The following FOXP1 variants were observed in gnomAD, a reference collection of about 807,000 sequenced individuals.
FOXP1 encodes forkhead box P1.
Under a neutral mutation model 98.2 loss-of-function variants are expected in FOXP1, and 15 were observed. That is an observed-to-expected ratio of 0.15 (90% CI 0.10 to 0.24). The LOEUF (loss-of-function observed/expected upper bound fraction) is 0.24. Among genes scored for constraint, FOXP1 ranks in the 10% least tolerant of loss-of-function variants. The pLI is 1.00. For missense variants in FOXP1, 633 were observed against 848.5 expected (o/e 0.75, Z 3.15); for synonymous variants, 371 against 314.5 (o/e 1.18, Z -1.90).
At chr3:71,123,171 ACT>A (rs1037075773) in intron 6 of FOXP1, among the ~76,000 whole-genome samples, 2 of 151,838 alleles carry the variant, frequency 1.3e-5, no homozygotes, top group Non-Finnish European at 2.9e-5. Flanking sequence ...TTGCCTAAAA[ACT>A]CTGTCCACAA....
chr3:71,120,731 C>T (rs989284404), intron 6 of FOXP1, among the ~76,000 whole-genome samples: 6 of 152,176 alleles, frequency 3.9e-5, no homozygotes, highest in African/African-American at 1.2e-4. Flanking sequence ...CAGGCCAAAG[C>T]ACTCCCTCCA....
At chr3:71,575,719 C>A (rs990168596) in intron 2 of FOXP1, among the ~76,000 whole-genome samples, 9 of 152,354 alleles carry the variant, frequency 5.9e-5, no homozygotes, top group Non-Finnish European at 1.2e-4. Flanking sequence ...CCAAGAATAT[C>A]TTTTAAAAAT....
chr3:71,163,733 A>T (rs1188339520), intron 6 of FOXP1, among the ~76,000 whole-genome samples: 1 of 152,184 alleles, frequency 6.6e-6, no homozygotes, highest in East Asian at 1.9e-4. Flanking sequence ...TTCCAAGTTA[A>T]ATATTACATG....
chr3:71,511,942 G>C (rs1223691411), intron 2 of FOXP1, among the ~76,000 whole-genome samples: 1 of 152,188 alleles, frequency 6.6e-6, no homozygotes, highest in Non-Finnish European at 1.5e-5. Context: ...TAAGGCTCAG[G>C]TAGGAGTTGA....
At chr3:71,298,265 G>C (rs1262760157) in intron 5 of FOXP1, among the ~76,000 whole-genome samples, 1 of 152,054 alleles carries the variant, frequency 6.6e-6, no homozygotes, top group South Asian at 2.1e-4. Context: ...AGGAGTTTGA[G>C]ACCAGCCTGA....
At chr3:71,375,637 C>T (rs918667656) in intron 3 of FOXP1, among the ~76,000 whole-genome samples, 1 of 152,104 alleles carries the variant, frequency 6.6e-6, no homozygotes, top group Non-Finnish European at 1.5e-5. Flanking sequence ...AGGAGACATT[C>T]TAGACTGAAA....
intron 4 of FOXP1, among the ~76,000 whole-genome samples, chr3:71,329,587 A>G (rs76036754): frequency 0.29 from 13,468 of 46,286 alleles, 649 homozygotes; most frequent in East Asian, 0.51. Flanking sequence ...AAAATGTTGA[A>G]AAAAAAAAAA....
At position 71,459,932 on chromosome 3, in the gene FOXP1, T is replaced by C. The variant is rs56146007; in HGVS notation, c.-168+33494A>G. Among the ~76,000 whole-genome samples the C allele has an allele frequency of 3.5e-5, 5 of 144,724 alleles. No individual in the cohort carries two copies. In the East Asian group the frequency reaches 9.9e-4, roughly 29 times the overall value. 94.9% of individuals were successfully genotyped at this position (144,724 alleles called of 152,430 possible). On this transcript the variant is annotated intron_variant, in intron 3 of 20. Coordinates refer to ENST00000649528, the MANE Select transcript of FOXP1 (RefSeq NM_001349338.3). ...AAATAATATATCAGGCCCCATCTTC[T>C]TTTTTTTTTTTCTTTTTTTAAGATG...
chr3:71,427,291 C>G (rs1341898381), intron 3 of FOXP1, among the ~76,000 whole-genome samples: 1 of 151,952 alleles, frequency 6.6e-6, no homozygotes, highest in Non-Finnish European at 1.5e-5. Flanking sequence ...TAAATGGATA[C>G]AAAACGGAGA....
chr3:71,488,734 T>C (rs2090845396), intron 3 of FOXP1, among the ~76,000 whole-genome samples: 1 of 152,230 alleles, frequency 6.6e-6, no homozygotes. Flanking sequence ...TGTCTTCGCA[T>C]GCGGGAGCCC....
chr3:71,367,883 C>T, intron 3 of FOXP1, among the ~76,000 whole-genome samples: 1 of 152,052 alleles, frequency 6.6e-6, no homozygotes, highest in Non-Finnish European at 1.5e-5. Flanking sequence ...AAACTTTTTC[C>T]CAGAGTTGTC....
At chr3:71,052,660 G>A (rs925594852) in intron 8 of FOXP1, 34 bp from the exon 9 acceptor site, 1 of 903,656 alleles carries the variant, frequency 1.1e-6, no homozygotes, top group South Asian at 1.3e-5. Context: ...AAGTAACAGA[G>A]GGTAGCGCCA....
intron 12 of FOXP1, among the ~76,000 whole-genome samples, chr3:71,014,615 C>A (rs1012232786): frequency 6.6e-6 from 1 of 152,126 alleles, no homozygotes; most frequent in Admixed American, 6.6e-5. Flanking sequence ...CTAGAAATAC[C>A]ATTTGACCCA....
chr3:71,446,085 A>G (rs539295380), intron 3 of FOXP1, among the ~76,000 whole-genome samples: 1 of 150,980 alleles, frequency 6.6e-6, no homozygotes, highest in East Asian at 2.0e-4. Context: ...GAGTGAGTGA[A>G]TGAATTCAGG....
intron 6 of FOXP1, among the ~76,000 whole-genome samples, chr3:71,135,892 T>A (rs569420391): frequency 1.2e-4 from 19 of 152,322 alleles, no homozygotes; most frequent in African/African-American, 4.6e-4. Flanking sequence ...TTGCATCGAC[T>A]ATGCCTTCTT....
intron 3 of FOXP1, among the ~76,000 whole-genome samples, chr3:71,386,611 C>G (rs1263181433): frequency 2.0e-5 from 3 of 151,832 alleles, no homozygotes; most frequent in Non-Finnish European, 2.9e-5. Flanking sequence ...GGCGTGGTAG[C>G]GCATGCCTGT....
chr3:71,490,343 C>CA (rs1472466659), intron 3 of FOXP1, among the ~76,000 whole-genome samples: 1 of 151,998 alleles, frequency 6.6e-6, no homozygotes, highest in Non-Finnish European at 1.5e-5. Flanking sequence ...CTAAAAGATA[C>CA]AAAAATTAGC....
chr3:71,488,485 C>T (rs2106956732), intron 3 of FOXP1, among the ~76,000 whole-genome samples: 1 of 152,312 alleles, frequency 6.6e-6, no homozygotes, highest in South Asian at 2.1e-4. Context: ...AAGGGATGGA[C>T]ACTGTCTCTC....
chr3:71,023,428 C>A (rs1379812457), intron 11 of FOXP1, among the ~76,000 whole-genome samples: 1 of 152,202 alleles, frequency 6.6e-6, no homozygotes, highest in Non-Finnish European at 1.5e-5. Context: ...GAAAGCTGTT[C>A]TCTTCATATA....
Sources: gnomAD v4.1 joint callset for allele counts (sites outside exome capture counted in the v4.1 genomes callset) on GRCh38, gnomAD v4.1.1 for gene constraint, MANE v1.5 for transcripts, NCBI Gene and HGNC (gene_info 2026-07-23, HGNC 2026-07-21) for gene names.